The following STK3 variants were observed in gnomAD, a reference collection of about 807,000 sequenced individuals.
STK3 encodes serine/threonine-protein kinase 3.
STK3 carries 41 observed loss-of-function variants against 58.0 expected under a neutral mutation model. That is an observed-to-expected ratio of 0.71 (90% CI 0.55 to 0.92). The LOEUF (loss-of-function observed/expected upper bound fraction) is 0.92, where lower values mean the gene tolerates loss of function less well. Ranked by LOEUF, STK3 falls within the 40% of genes least tolerant of loss-of-function variation. The pLI, the probability that STK3 is intolerant of heterozygous loss-of-function variation, is 0.00. For synonymous variants in STK3, 170 were observed against 191.0 expected, an observed-to-expected ratio of 0.89 and a Z score of 0.91; for missense variants, 479 against 602.7, an observed-to-expected ratio of 0.79 and a Z score of 2.15.
chr8:98,561,025 T>C (rs1386495893), intron 8 of STK3, among the ~76,000 whole-genome samples: 1 of 151,970 alleles, frequency 6.6e-6, no homozygotes, highest in Non-Finnish European at 1.5e-5. Flanking sequence ...CAAAGCAAGA[T>C]GCCGTGTCCA....
chr8:98,795,106 ATATATAT>A (rs1833061110), intron 1 of STK3, among the ~76,000 whole-genome samples: 4 of 43,642 alleles, frequency 9.2e-5, no homozygotes, highest in African/African-American at 2.7e-4. Flanking sequence ...AAAAAAAAAT[ATATATAT>A]ATATATATAT....
At chr8:98,619,046 A>G (rs1471152455) in intron 6 of STK3, among the ~76,000 whole-genome samples, 10 of 148,342 alleles carry the variant, frequency 6.7e-5, no homozygotes, top group Admixed American at 1.3e-4. Flanking sequence ...GAGGCATCAC[A>G]CTACCTGACT....
chr8:98,865,203 C>A (rs1837089508), intron 3 of STK3, among the ~76,000 whole-genome samples: 1 of 152,162 alleles, frequency 6.6e-6, no homozygotes, highest in African/African-American at 2.4e-5. Context: ...CCAGACAGGG[C>A]AACATAGTAA....
At chr8:98,552,328 T>C (rs895106722) in intron 8 of STK3, among the ~76,000 whole-genome samples, 5 of 152,120 alleles carry the variant, frequency 3.3e-5, no homozygotes, top group Non-Finnish European at 7.4e-5. Flanking sequence ...GTTACTCTCC[T>C]GCTAAGAACT....
At chr8:98,766,577 G>T (rs934658747) in intron 3 of STK3, among the ~76,000 whole-genome samples, 1 of 151,836 alleles carries the variant, frequency 6.6e-6, no homozygotes. Context: ...GCTACCACCT[G>T]GATAATTTTT....
At chr8:98,901,760 TC>T (rs2131953770) in intron 1 of STK3, among the ~76,000 whole-genome samples, 1 of 152,368 alleles carries the variant, frequency 6.6e-6, no homozygotes, top group African/African-American at 2.4e-5. Context: ...CTTTCTGTGT[TC>T]CGTGAGAGCT....
chr8:98,533,786 C>T (rs1357453747), intron 9 of STK3, among the ~76,000 whole-genome samples: 9 of 152,144 alleles, frequency 5.9e-5, no homozygotes, highest in Admixed American at 5.9e-4. Context: ...CACCATACCT[C>T]GCTGAGTTAT....
chr8:98,749,745 A>G (rs963705538), intron 3 of STK3, among the ~76,000 whole-genome samples: 2 of 152,124 alleles, frequency 1.3e-5, no homozygotes, highest in African/African-American at 4.8e-5. Context: ...AGGATTTTGC[A>G]TTCAGTCAAA....
intron 10 of STK3, among the ~76,000 whole-genome samples, chr8:98,467,391 T>C (rs1311700685): frequency 6.6e-6 from 1 of 152,132 alleles, no homozygotes; most frequent in Non-Finnish European, 1.5e-5. Context: ...TAGTAATCGC[T>C]GGAGGGAGGC....
At chr8:98,471,092 G>A (rs1466718533) in intron 10 of STK3, among the ~76,000 whole-genome samples, 2 of 152,192 alleles carry the variant, frequency 1.3e-5, no homozygotes, top group African/African-American at 4.8e-5. Context: ...TGTAGAGGAT[G>A]AGTGGCTTAC....
At chr8:98,566,845 A>G (rs933218910) in intron 8 of STK3, among the ~76,000 whole-genome samples, 5 of 152,206 alleles carry the variant, frequency 3.3e-5, no homozygotes, top group Non-Finnish European at 4.4e-5. Flanking sequence ...GAATGGAGAA[A>G]AATTTCACTG....
At chr8:98,490,402 C>CA (rs1383069920) in intron 10 of STK3, among the ~76,000 whole-genome samples, 1 of 152,058 alleles carries the variant, frequency 6.6e-6, no homozygotes, top group Non-Finnish European at 1.5e-5. Context: ...TTGCATTAGA[C>CA]AAAACTTTCA....
chr8:98,815,399 C>T (rs1834482136), intron 1 of STK3, among the ~76,000 whole-genome samples: 1 of 152,112 alleles, frequency 6.6e-6, no homozygotes, highest in Non-Finnish European at 1.5e-5. Context: ...TATTAGTCTC[C>T]AGGTTAGGAT....
intron 3 of STK3, among the ~76,000 whole-genome samples, chr8:98,414,903 C>T (rs1333106453): frequency 2.0e-5 from 3 of 152,214 alleles, no homozygotes; most frequent in Non-Finnish European, 2.9e-5. Flanking sequence ...TGAATCATCA[C>T]TTGTAGGAGA....
At chr8:98,603,284 T>TGACA (rs1285923637) in intron 6 of STK3, 5 of 152,040 alleles carry the variant, frequency 3.3e-5, no homozygotes, top group African/African-American at 1.2e-4. Context: ...CCATCCAGGC[T>TGACA]GGAGTGCAGT....
intron 3 of STK3, among the ~76,000 whole-genome samples, chr8:98,877,579 G>A (rs1347620820): frequency 6.6e-6 from 1 of 152,060 alleles, no homozygotes; most frequent in Non-Finnish European, 1.5e-5. Flanking sequence ...CGCCTCCCGG[G>A]TTCAAGCGAT....
chr8:98,885,552 G>A (rs193140356), intron 1 of STK3, among the ~76,000 whole-genome samples: 3 of 152,262 alleles, frequency 2.0e-5, no homozygotes, highest in East Asian at 3.9e-4. Flanking sequence ...CGATTCTCCC[G>A]CTTCAGCCTC....
At chr8:98,365,392 A>T in the STK3 span, among the ~76,000 whole-genome samples, 1 of 152,214 alleles carries the variant, frequency 6.6e-6, no homozygotes, top group East Asian at 1.9e-4. Context: ...GATTGATGAC[A>T]TTCTTGATTC....
intron 2 of STK3, among the ~76,000 whole-genome samples, chr8:98,372,624 A>G (rs1240907041): frequency 6.6e-6 from 1 of 152,194 alleles, no homozygotes; most frequent in Non-Finnish European, 1.5e-5. Flanking sequence ...TGTTAACATA[A>G]GCACCAACAT....
Sources: allele counts gnomAD v4.1 joint callset (sites outside exome capture counted in the v4.1 genomes callset), GRCh38; gene constraint gnomAD v4.1.1; transcripts MANE v1.5; gene names NCBI Gene and HGNC (gene_info 2026-07-23, HGNC 2026-07-21).